The following FHOD3 variants were observed in gnomAD, a reference collection of about 807,000 sequenced individuals.
FHOD3 encodes FH1/FH2 domain-containing protein 3.
A neutral mutation model predicts 173.0 loss-of-function variants in FHOD3; 90 were observed. The observed-to-expected ratio is 0.52, with a 90% CI of 0.44 to 0.62. FHOD3 has a LOEUF of 0.62. Among genes scored for constraint, FHOD3 ranks in the 20% least tolerant of loss-of-function variants. The pLI is 0.00. For synonymous variants in FHOD3, 828 were observed against 823.0 expected, an observed-to-expected ratio of 1.01 and a Z score of -0.10; for missense variants, 1,945 against 2,034.7, an observed-to-expected ratio of 0.96 and a Z score of 0.85.
intron 19 of FHOD3, among the ~76,000 whole-genome samples, chr18:36,721,224 T>G (rs1057232869): frequency 6.6e-6 from 1 of 152,228 alleles, no homozygotes; most frequent in African/African-American, 2.4e-5. Context: ...CCAAACTGAT[T>G]CCAGAATGTT....
At chr18:36,357,960 G>A (rs2046440418) in intron 2 of FHOD3, among the ~76,000 whole-genome samples, 1 of 151,712 alleles carries the variant, frequency 6.6e-6, no homozygotes, top group African/African-American at 2.4e-5. Flanking sequence ...TAAAGGGTGT[G>A]GGAGAAGAAT....
At chr18:36,545,423 C>T (rs1003721821) in intron 5 of FHOD3, among the ~76,000 whole-genome samples, 7 of 152,186 alleles carry the variant, frequency 4.6e-5, no homozygotes, top group Non-Finnish European at 7.3e-5. Flanking sequence ...TCTTTGAAGA[C>T]GTAATGTTTC....
intron 3 of FHOD3, among the ~76,000 whole-genome samples, chr18:36,460,464 A>G (rs964585760): frequency 6.6e-6 from 1 of 152,218 alleles, no homozygotes; most frequent in African/African-American, 2.4e-5. Context: ...AACGTGAGGC[A>G]CTAATACAAT....
chr18:36,345,811 A>C (rs1366704614), intron 1 of FHOD3, among the ~76,000 whole-genome samples: 2 of 152,250 alleles, frequency 1.3e-5, no homozygotes, highest in African/African-American at 4.8e-5. Context: ...AAGCAATATA[A>C]TCAATAGTTC....
intron 8 of FHOD3, among the ~76,000 whole-genome samples, chr18:36,606,577 C>G (rs2032099329): frequency 6.6e-6 from 1 of 152,182 alleles, no homozygotes; most frequent in Admixed American, 6.5e-5. Flanking sequence ...ATGTCCTCCT[C>G]ATGTGCAAGA....
intron 17 of FHOD3, among the ~76,000 whole-genome samples, chr18:36,707,546 G>T (rs2039949400): frequency 6.6e-6 from 1 of 152,200 alleles, no homozygotes; most frequent in African/African-American, 2.4e-5. Context: ...CTCAGAGGAT[G>T]GCAGCCTGAG....
chr18:36,396,353 C>A (rs963715049), intron 3 of FHOD3, among the ~76,000 whole-genome samples: 8 of 152,116 alleles, frequency 5.3e-5, no homozygotes, highest in Admixed American at 4.6e-4. Flanking sequence ...GTTTCAGGGA[C>A]CCCTGTTAGG....
intron 6 of FHOD3, among the ~76,000 whole-genome samples, chr18:36,592,180 CT>C (rs2059240670): frequency 6.6e-6 from 1 of 152,180 alleles, no homozygotes; most frequent in Non-Finnish European, 1.5e-5. Context: ...GATTGCACCA[CT>C]TGCCTCCAGC....
intron 3 of FHOD3, among the ~76,000 whole-genome samples, chr18:36,421,503 G>T (rs2147086650): frequency 6.6e-6 from 1 of 152,274 alleles, no homozygotes; most frequent in East Asian, 1.9e-4. Context: ...CATATGATTG[G>T]TTTTTATGGC....
At chr18:36,626,187 C>T (rs2034095074) in intron 10 of FHOD3, among the ~76,000 whole-genome samples, 1 of 152,056 alleles carries the variant, frequency 6.6e-6, no homozygotes, top group South Asian at 2.1e-4. Context: ...ACAGAAAAAA[C>T]CCATATGAGT....
chr18:36,534,647 G>A (rs555452421), intron 5 of FHOD3, among the ~76,000 whole-genome samples: 3 of 152,156 alleles, frequency 2.0e-5, no homozygotes, highest in East Asian at 1.9e-4. Flanking sequence ...AGGGTAGCTC[G>A]TTAAGCCCAG....
At chr18:36,350,730 T>C (rs2046083825) in intron 1 of FHOD3, among the ~76,000 whole-genome samples, 1 of 152,152 alleles carries the variant, frequency 6.6e-6, no homozygotes. Flanking sequence ...TTTCGCTCTG[T>C]AGGGAAAGTT....
intron 6 of FHOD3, among the ~76,000 whole-genome samples, chr18:36,578,661 T>G (rs2058742400): frequency 6.6e-6 from 1 of 152,176 alleles, no homozygotes; most frequent in South Asian, 2.1e-4. Context: ...TGCTGTCCTT[T>G]GGGAGCACTC....
At chr18:36,315,090 A>G (rs1372825434) in intron 1 of FHOD3, among the ~76,000 whole-genome samples, 1 of 150,660 alleles carries the variant, frequency 6.6e-6, no homozygotes, top group Non-Finnish European at 1.5e-5. Context: ...CTGATAGGCC[A>G]TGATGGTGTC....
intron 24 of FHOD3, among the ~76,000 whole-genome samples, chr18:36,754,240 G>A (rs1319448108): frequency 6.6e-6 from 1 of 152,110 alleles, no homozygotes; most frequent in Non-Finnish European, 1.5e-5. Context: ...GTAAGCCAGT[G>A]TCCCTTATTT....
At chr18:36,485,849 C>T (rs183685733) in intron 3 of FHOD3, among the ~76,000 whole-genome samples, 5 of 152,234 alleles carry the variant, frequency 3.3e-5, no homozygotes, top group Admixed American at 3.3e-4. Context: ...ACAAAGGTTC[C>T]CAGCAATGCC....
chr18:36,685,424 T>C (rs1279737432), intron 15 of FHOD3, among the ~76,000 whole-genome samples: 1 of 152,238 alleles, frequency 6.6e-6, no homozygotes, highest in Non-Finnish European at 1.5e-5. Context: ...TTCCTGAGGT[T>C]ACCCAAATGA....
At chr18:36,469,478 C>T (rs1488553561) in intron 3 of FHOD3, among the ~76,000 whole-genome samples, 2 of 152,128 alleles carry the variant, frequency 1.3e-5, no homozygotes, top group Non-Finnish European at 2.9e-5. Flanking sequence ...CCATGTACAG[C>T]AGGCTGGCTG....
Position 36,612,092 on chromosome 18 carries a change from T to C in FHOD3, c.954T>C (p.Tyr318=), listed in dbSNP as rs2032739497. Residue 318 remains tyrosine, a synonymous_variant, in exon 9 of 29, where the codon TAT becomes TAC. Transcript: ENST00000590592. Reference sequence around the variant, plus strand: ...ACTTAGTGGAGCAACTCAACATTTATGAGGTACCAGACCATGCCTTTTGTA... The same window carrying C: ...ACTTAGTGGAGCAACTCAACATTTACGAGGTACCAGACCATGCCTTTTGTA... ...DLDLVEQLNI[Y]EVALRHEDGD... 6.2e-7 allele frequency: 1 copy of C among 1,613,632 alleles called. No homozygotes were observed. The highest frequency in any genetic ancestry group is 1.1e-5 in the South Asian group (1 of 90,944).
Sources: allele counts gnomAD v4.1 joint callset (sites outside exome capture counted in the v4.1 genomes callset), GRCh38; gene constraint gnomAD v4.1.1; transcripts MANE v1.5; gene names NCBI Gene and HGNC (gene_info 2026-07-23, HGNC 2026-07-21).